The following FSTL3 variants were observed in gnomAD, a reference collection of about 807,000 sequenced individuals.
FSTL3 encodes the protein follistatin like 3, also known as follistatin-related protein 3.
A neutral mutation model predicts 28.1 loss-of-function variants in FSTL3; 21 were observed. That is an observed-to-expected ratio of 0.75 (90% CI 0.53 to 1.08). The LOEUF (loss-of-function observed/expected upper bound fraction) is 1.08. FSTL3 is among the 50% of genes least tolerant of loss of function. FSTL3 has a pLI of 0.00. For missense variants in FSTL3, 400 were observed against 380.9 expected (o/e 1.05, Z -0.42); for synonymous variants, 199 against 164.2 (o/e 1.21, Z -1.62).
Position 682,089 on chromosome 19 carries a change from C to T in FSTL3, c.*381C>T, listed in dbSNP as rs553387095. 2 of 410,206 alleles carry T rather than the reference C, an allele frequency of 4.9e-6. No homozygotes were observed. Among genetic ancestry groups the T allele is most frequent in the African/African-American group, 3.9e-5 (2 of 50,772 alleles). The allele number at this position is 410,206 out of a possible 1,614,324, so 25.4% of individuals were successfully genotyped here. A position where few individuals can be genotyped will look rare whatever the true frequency, so the allele number is the denominator to read the frequency against. On this transcript the variant is annotated 3_prime_UTR_variant, in exon 5 of 5. Coordinates refer to ENST00000166139, the MANE Select transcript of FSTL3 (RefSeq NM_005860.3). ...TCTCTGCTGGTAATTCCTGAAGAGG[C>T]ATGACTGCTTTTCTCAGCCCCAAGC...
rs1253076953 is a variant in FSTL3, at chr19:676,512, G to A, written c.89G>A (p.Gly30Glu). ...AVGFVSSMGS[G>E]NPAPGGVCWL... Reference sequence around the variant, plus strand: ...GGCTTCGTGAGCTCCATGGGCTCGGGGAACCCCGCGCCCGGTGAGTGGGGC... The same window carrying A: ...GGCTTCGTGAGCTCCATGGGCTCGGAGAACCCCGCGCCCGGTGAGTGGGGC... The change falls in exon 1 of 5, where the codon GGG becomes GAG. Residue 30 changes from glycine to glutamate, a missense_variant. By Grantham distance (98) the Gly-to-Glu change is moderately conservative. Transcript: ENST00000166139. 7 of 1,161,414 alleles carry A rather than the reference G, an allele frequency of 6.0e-6. No individual in the cohort carries two copies. The highest frequency in any genetic ancestry group is 4.2e-5 in the South Asian group (1 of 23,878). 71.9% of individuals were successfully genotyped at this position (1,161,414 alleles called of 1,614,324 possible).
At chr19:679,690 C>T (rs925562307) in intron 2 of FSTL3, among the ~76,000 whole-genome samples, 2 of 152,194 alleles carry the variant, frequency 1.3e-5, no homozygotes, top group African/African-American at 4.8e-5. Flanking sequence ...CTCAATATCC[C>T]TGTCTGAGCA....
chr19:677,061 A>G (rs1460794259), intron 1 of FSTL3, among the ~76,000 whole-genome samples: 2 of 152,136 alleles, frequency 1.3e-5, no homozygotes, highest in Non-Finnish European at 2.9e-5. Flanking sequence ...TTCCCCTCCT[A>G]TGATGGGTGC....
rs768152312 is a variant in FSTL3 at position 677,955 on chromosome 19, T to C, written c.267T>C (p.Leu89=). ...TCAACCTCCTCGGCTTCTTGGGCCT[T>C]GTCCACTGCCTTCCCTGCAAAGGTG... is the stretch of plus-strand genomic sequence containing the variant. ...NKINLLGFLG[L]VHCLPCKDSC... The change falls in exon 2 of 5, where the codon CTT becomes CTC. Residue 89 remains leucine, a synonymous_variant. Transcript: ENST00000166139. 3.2e-5 allele frequency: 51 copies of C among 1,613,206 alleles called. No homozygotes were observed. The highest frequency in any genetic ancestry group is 4.2e-5 in the Non-Finnish European group (49 of 1,179,944).
intron 3 of FSTL3, chr19:680,951 G>T (rs1049295442): frequency 7.8e-5 from 23 of 295,838 alleles, no homozygotes; most frequent in Middle Eastern, 2.1e-3. Context: ...GGGCATGATG[G>T]AACCAGGGGG....
Position 680,378 on chromosome 19 carries a change from C to T in FSTL3, c.394C>T (p.Leu132=), listed in dbSNP as rs7246311. 0.45 allele frequency: 575,382 copies of T among 1,278,224 alleles called. 131,823 individuals are homozygous for T. Among genetic ancestry groups the T allele is most frequent in the Non-Finnish European group, 0.47 (477,649 of 1,015,454 alleles). 79.2% of individuals were successfully genotyped at this position (1,278,224 alleles called of 1,614,324 possible). ...APDCSGLPAR[L]QVCGSDGATY... ...CGACTGCTCGGGGCTCCCGGCGCGGCTGCAGGTCTGCGGCTCAGACGGCGC... is the reference window on the plus strand; with the variant it reads ...CGACTGCTCGGGGCTCCCGGCGCGGTTGCAGGTCTGCGGCTCAGACGGCGC... The change falls in exon 3 of 5, where the codon CTG becomes TTG. Residue 132 remains leucine (L), a synonymous_variant. Transcript: ENST00000166139.
intron 3 of FSTL3, 21 bp from the exon 4 acceptor site, chr19:681,312 C>A: frequency 6.6e-7 from 1 of 1,514,780 alleles, no homozygotes. Flanking sequence ...CCCTGAACTT[C>A]CCCTGGCACC....
In FSTL3 at chr19:683,144, G is replaced by A. The variant is rs1252689956; in HGVS notation, c.*1436G>A. The stretch of plus-strand genomic sequence containing the variant: ...CAGAATCGCCTACCTGTGCCTGCGT[G>A]TAAACCACAGCCTCAGACCAGCTAT... On this transcript the variant is annotated 3_prime_UTR_variant, in exon 5 of 5. Coordinates refer to ENST00000166139, the MANE Select transcript of FSTL3 (RefSeq NM_005860.3). The A allele has an allele frequency of 1.7e-5, 4 of 233,136 alleles. No homozygotes were observed. The highest frequency in any genetic ancestry group is 3.4e-5 in the Non-Finnish European group (4 of 117,736). 14.4% of individuals were successfully genotyped at this position (233,136 alleles called of 1,614,324 possible).
rs761012383 is a variant in FSTL3 at position 681,854 on chromosome 19, G to A, written c.*146G>A. ...TTGGGGATCCCAGAACCTCCCTGACGATATCCTGGAAGGACTGAGGAAGGG... is the reference window on the plus strand; with the variant it reads ...TTGGGGATCCCAGAACCTCCCTGACAATATCCTGGAAGGACTGAGGAAGGG... On this transcript the variant is annotated 3_prime_UTR_variant, in exon 5 of 5. Transcript: ENST00000166139. 6 of 741,920 alleles carry A rather than the reference G, an allele frequency of 8.1e-6. No individual in the cohort carries two copies. Among genetic ancestry groups the A allele is most frequent in the East Asian group, 5.4e-5 (2 of 37,092 alleles). 46.0% of individuals were successfully genotyped at this position (741,920 alleles called of 1,614,324 possible).
intron 2 of FSTL3, 102 bp downstream of exon 2, chr19:678,079 CAGGGGTATGT>C: frequency 8.8e-7 from 1 of 1,137,814 alleles, no homozygotes. Context: ...GAGCCCGTCA[CAGGGGTATGT>C]AGGAGGCTGC....
At chr19:681,162 G>T (rs1420917046) in intron 3 of FSTL3, among the ~76,000 whole-genome samples, 171 bp from the exon 4 acceptor site, 1 of 134,676 alleles carries the variant, frequency 7.4e-6, no homozygotes, top group Non-Finnish European at 1.6e-5. Context: ...CTTGTGGGTG[G>T]AGCCTGAGGG....
rs780770572 is a variant in FSTL3, at chr19:681,416, G to A, written c.589G>A (p.Ala197Thr). 6.3e-7 allele frequency: 1 copy of A among 1,596,632 alleles called. No homozygotes were observed. The highest frequency in any genetic ancestry group is 2.2e-5 in the East Asian group (1 of 44,748). The change falls in exon 4 of 5, where the codon GCG becomes ACG. Residue 197 changes from alanine (A) to threonine (T), a missense_variant. Transcript: ENST00000166139. ...CAGCGCCCACTGCGTGGTGTGTCGAGCGGCGCCCTGCCCTGTGCCCTCCAG... is the reference window on the plus strand; with the variant it reads ...CAGCGCCCACTGCGTGGTGTGTCGAACGGCGCCCTGCCCTGTGCCCTCCAG... ...TGSAHCVVCR[A>T]APCPVPSSPG... is the part of the protein sequence containing the mutation.
Position 676,463 on chromosome 19 carries a change from T to TG in FSTL3, c.46dup (p.Ala16GlyfsTer40). The TG allele has an allele frequency of 4.2e-6, 5 of 1,185,554 alleles. No homozygotes were observed. The highest frequency in any genetic ancestry group is 3.7e-5 in the South Asian group (1 of 27,070). The allele number at this position is 1,185,554 out of a possible 1,614,324, so 73.4% of individuals were successfully genotyped here. A position where few individuals can be genotyped will look rare whatever the true frequency, so the allele number is the denominator to read the frequency against. On this transcript the variant is annotated frameshift_variant, in exon 1 of 5. Transcript: ENST00000166139. LOFTEE classifies it high-confidence loss of function. ...GCCAGGGCCACTCTGGCCTCTGCCC[T>TG]GGGGGGCCCTGGCTTGGGCCGTGGG...
rs1387583575 is a variant in FSTL3 at position 680,448 on chromosome 19, G to A, written c.464G>A (p.Gly155Asp). The change falls in exon 3 of 5, where the codon GGC becomes GAC. Residue 155 changes from glycine (G) to aspartate (D), a missense_variant. Gly to Asp is a moderately conservative substitution (Grantham distance 94, BLOSUM62 -1). Coordinates refer to ENST00000166139, the MANE Select transcript of FSTL3 (RefSeq NM_005860.3). The part of the protein sequence containing the change: ...ECELRAARCR[G>D]HPDLSVMYRG... ...GAGCTGCGCGCCGCGCGCTGCCGCGGCCACCCGGACCTGAGCGTCATGTAC... is the reference window on the plus strand; with the variant it reads ...GAGCTGCGCGCCGCGCGCTGCCGCGACCACCCGGACCTGAGCGTCATGTAC... 1.4e-5 allele frequency: 18 copies of A among 1,263,464 alleles called. No homozygotes were observed. The highest frequency in any genetic ancestry group is 4.2e-5 in the Admixed American group (1 of 23,728). 78.3% of individuals were successfully genotyped at this position (1,263,464 alleles called of 1,614,324 possible). A position where few individuals can be genotyped will look rare whatever the true frequency, so the allele number is the denominator to read the frequency against.
rs115479218 is a variant in FSTL3 at position 680,716 on chromosome 19, G to T, written c.505+227G>T. The stretch of plus-strand genomic sequence containing the variant: ...CTGGAGGGGCGGGGCCGCTGCCGCA[G>T]TGCGTAGGGGCGGGGCCTCCAGCCC... On this transcript the variant is annotated intron_variant, in intron 3 of 4. Transcript: ENST00000166139. 2,194 of 368,342 alleles carry T rather than the reference G, an allele frequency of 6.0e-3. 54 individuals carry two copies. Among genetic ancestry groups the T allele is most frequent in the African/African-American group, 0.044 (2,069 of 47,086 alleles). 22.8% of individuals were successfully genotyped at this position (368,342 alleles called of 1,614,324 possible).
At chr19:678,906 C>A (rs2031268237) in intron 2 of FSTL3, among the ~76,000 whole-genome samples, 1 of 151,986 alleles carries the variant, frequency 6.6e-6, no homozygotes, top group Admixed American at 6.6e-5. Context: ...GAGAGTGGAT[C>A]AGGAGAGAAC....
chr19:678,454 T>C (rs1209144196), intron 2 of FSTL3, among the ~76,000 whole-genome samples: 1 of 146,662 alleles, frequency 6.8e-6, no homozygotes, highest in Non-Finnish European at 1.5e-5. Context: ...GGTTGGCGAG[T>C]GGCACAGAAC....
chr19:678,689 T>C (rs1207253150), intron 2 of FSTL3, among the ~76,000 whole-genome samples: 1 of 151,968 alleles, frequency 6.6e-6, no homozygotes, highest in Non-Finnish European at 1.5e-5. Flanking sequence ...TTTTATGTTT[T>C]TGGTAGAGAC....
In FSTL3 at chr19:682,046, A is replaced by C; in HGVS notation, c.*338A>C. The C allele has an allele frequency of 2.2e-6, 1 of 445,908 alleles. No individual in the cohort carries two copies. The highest frequency in any genetic ancestry group is 4.1e-6 in the Non-Finnish European group (1 of 241,290). The allele number at this position is 445,908 out of a possible 1,614,324, so 27.6% of individuals were successfully genotyped here. A position where few individuals can be genotyped will look rare whatever the true frequency, so the allele number is the denominator to read the frequency against. ...GATAAACCTATTAATTATTGCTACT[A>C]TCAAGAGGGCTGGGCATTCTCTGCT... On this transcript the variant is annotated 3_prime_UTR_variant, in exon 5 of 5. Transcript: ENST00000166139.
Sources: gnomAD v4.1 joint callset for allele counts (sites outside exome capture counted in the v4.1 genomes callset) on GRCh38, gnomAD v4.1.1 for gene constraint, MANE v1.5 for transcripts, NCBI Gene and HGNC (gene_info 2026-07-23, HGNC 2026-07-21) for gene names.